WARS2: variants seen among roughly 807,000 people sequenced by gnomAD.
WARS2 encodes the protein tryptophanyl tRNA synthetase 2, mitochondrial.
A neutral mutation model predicts 36.5 loss-of-function variants in WARS2; 28 were observed. That is an observed-to-expected ratio of 0.77 (90% CI 0.57 to 1.05). The LOEUF (loss-of-function observed/expected upper bound fraction) is 1.05, where lower values mean the gene tolerates loss of function less well. Ranked by LOEUF, WARS2 falls within the 50% of genes least tolerant of loss-of-function variation. WARS2 has a pLI of 0.00. For missense variants in WARS2, 435 were observed against 456.8 expected, an observed-to-expected ratio of 0.95 and a Z score of 0.44; for synonymous variants, 174 against 178.4, an observed-to-expected ratio of 0.98 and a Z score of 0.20.
rs149606871 is a variant in WARS2 at position 119,126,792 on chromosome 1, C to T, written c.90+13763G>A. 3.4e-4 allele frequency: 254 copies of T among 738,786 alleles called. No individual in the cohort carries two copies. The African/African-American group carries it at 4.1e-3, about 12-fold the overall frequency. The allele number at this position is 738,786 out of a possible 1,614,324, so 45.8% of individuals were successfully genotyped here. On this transcript the variant is annotated intron_variant, in intron 1 of 5. Transcript: ENST00000235521. The stretch of plus-strand genomic sequence containing the variant: ...AATCAACTTATTGACCACCTCTTTC[C>T]AGTCATTTGTCTGTACCTCTCAGGT...
At chr1:119,098,925 C>T (rs1201778393) in intron 1 of WARS2, among the ~76,000 whole-genome samples, 2 of 151,692 alleles carry the variant, frequency 1.3e-5, no homozygotes, top group Non-Finnish European at 2.9e-5. Flanking sequence ...TTAGTAGAAA[C>T]GTGGTTTCAC....
intron 1 of WARS2, among the ~76,000 whole-genome samples, chr1:119,119,063 G>T (rs1489878973): frequency 6.6e-6 from 1 of 152,068 alleles, no homozygotes; most frequent in Non-Finnish European, 1.5e-5. Context: ...GAATAAAACA[G>T]TACCTCACAT....
In WARS2 at chr1:119,045,608, G is replaced by A. The variant is rs1010276895; in HGVS notation, c.403C>T (p.Arg135Ter). ...TTCCACTGATGTAAATGTTGTAATCGAGGTAGTCTGACCATGCAGGAAAGG... is the reference window on the plus strand; with the variant it reads ...TTCCACTGATGTAAATGTTGTAATCAAGGTAGTCTGACCATGCAGGAAAGG... ...WILSCMVRLP[R>*]LQHLHQWKAK... Residue 135 changes from arginine to a stop codon, truncating the protein, a stop_gained, in exon 3 of 6, where the codon CGA (arginine) becomes TGA (stop). Coordinates refer to ENST00000235521, the MANE Select transcript of WARS2 (RefSeq NM_015836.4). LOFTEE classifies it high-confidence loss of function. The A allele has an allele frequency of 4.4e-6, 7 of 1,594,768 alleles. No homozygotes were observed. Among genetic ancestry groups the A allele is most frequent in the Admixed American group, 3.4e-5 (2 of 58,962 alleles).
rs1557929945 is a variant in WARS2, at chr1:119,034,079, T to C, written c.634+16A>G. 3.1e-6 allele frequency: 5 copies of C among 1,601,034 alleles called. No homozygotes were observed. Among genetic ancestry groups the C allele is most frequent in the South Asian group, 1.1e-5 (1 of 90,794 alleles). On this transcript the variant is annotated intron_variant, in intron 5 of 5. Transcript: ENST00000235521. ...AGAATATACCCTGATGTAACAATTATAAGTTTCTTACTTACTGAGAATGGA... is the reference window on the plus strand; with the variant it reads ...AGAATATACCCTGATGTAACAATTACAAGTTTCTTACTTACTGAGAATGGA...
intron 2 of WARS2, among the ~76,000 whole-genome samples, chr1:119,055,469 G>A (rs897340724): frequency 6.6e-6 from 1 of 152,018 alleles, no homozygotes; most frequent in Admixed American, 6.6e-5. Context: ...AAAAAAGTTA[G>A]CCAGGCATGG....
chr1:119,063,286 CA>C, intron 2 of WARS2: 1 of 152,690 alleles, frequency 6.5e-6, no homozygotes, highest in Non-Finnish European at 1.5e-5. Context: ...GCAAAGCATT[CA>C]AAAGGTGACT....
At chr1:119,114,205 T>C (rs1179890601) in intron 1 of WARS2, among the ~76,000 whole-genome samples, 2 of 152,326 alleles carry the variant, frequency 1.3e-5, no homozygotes, top group East Asian at 1.9e-4. Flanking sequence ...TTTCCTCTTT[T>C]ATTTTTAAAC....
At chr1:119,044,100 G>C (rs1648595222) in intron 3 of WARS2, among the ~76,000 whole-genome samples, 1 of 152,092 alleles carries the variant, frequency 6.6e-6, no homozygotes, top group Admixed American at 6.6e-5. Context: ...TATATCTCTA[G>C]CACCTATTAT....
chr1:119,084,008 GT>G (rs1652412224), intron 1 of WARS2, among the ~76,000 whole-genome samples: 1 of 151,344 alleles, frequency 6.6e-6, no homozygotes. Context: ...TAAAAATTTA[GT>G]TTTTCCTCAT....
At chr1:119,071,188 A>T (rs918193146) in intron 2 of WARS2, among the ~76,000 whole-genome samples, 49 of 152,310 alleles carry the variant, frequency 3.2e-4, no homozygotes, top group African/African-American at 1.2e-3. Flanking sequence ...CAAAAACAAG[A>T]TAATATGTGT....
At chr1:119,131,681 T>C (rs1014271892) in intron 1 of WARS2, among the ~76,000 whole-genome samples, 1 of 152,120 alleles carries the variant, frequency 6.6e-6, no homozygotes, top group East Asian at 1.9e-4. Flanking sequence ...CAGGATGGTC[T>C]TGATCTCCTG....
At chr1:119,126,579 C>T (rs1655673644) in intron 1 of WARS2, 7 of 639,272 alleles carry the variant, frequency 1.1e-5, no homozygotes, top group Admixed American at 8.2e-5. Context: ...TCCATCAGTT[C>T]GTTCAACTTT....
At chr1:119,126,631 CT>C in intron 1 of WARS2, 1 of 699,626 alleles carries the variant, frequency 1.4e-6, no homozygotes, top group South Asian at 1.4e-5. Context: ...AAACTATTAC[CT>C]TCACCACGAA....
intron 1 of WARS2, among the ~76,000 whole-genome samples, chr1:119,116,750 G>T (rs1465977377): frequency 6.6e-6 from 1 of 152,160 alleles, no homozygotes; most frequent in Non-Finnish European, 1.5e-5. Flanking sequence ...AAGCCCCAGG[G>T]AAGCCATTCC....
At chr1:119,093,995 T>C (rs1029099857) in intron 1 of WARS2, among the ~76,000 whole-genome samples, 3 of 152,080 alleles carry the variant, frequency 2.0e-5, no homozygotes, top group Non-Finnish European at 2.9e-5. Context: ...TGTATGTAGG[T>C]AGTAGTGCTG....
intron 1 of WARS2, among the ~76,000 whole-genome samples, chr1:119,108,787 ACTAT>A (rs1421663404): frequency 2.6e-5 from 4 of 151,892 alleles, no homozygotes; most frequent in African/African-American, 9.7e-5. Context: ...TTGCTAGTTT[ACTAT>A]CTAAGGTGAA....
intron 2 of WARS2, among the ~76,000 whole-genome samples, chr1:119,051,521 G>T (rs1271738359): frequency 2.0e-5 from 3 of 152,068 alleles, no homozygotes; most frequent in Non-Finnish European, 4.4e-5. Context: ...TATCTTTACG[G>T]TAGAACGATT....
chr1:119,109,205 C>T (rs1654453505), intron 1 of WARS2, among the ~76,000 whole-genome samples: 1 of 151,902 alleles, frequency 6.6e-6, no homozygotes, highest in Non-Finnish European at 1.5e-5. Context: ...AGATACAAAT[C>T]ATCTATAGAT....
intron 1 of WARS2, among the ~76,000 whole-genome samples, chr1:119,094,414 A>G (rs1280256491): frequency 6.6e-6 from 1 of 151,900 alleles, no homozygotes. Flanking sequence ...GTTTTTTGGC[A>G]TAATTACCCC....
Sources: gnomAD v4.1 joint callset for allele counts (sites outside exome capture counted in the v4.1 genomes callset) on GRCh38, gnomAD v4.1.1 for gene constraint, MANE v1.5 for transcripts, NCBI Gene and HGNC (gene_info 2026-07-23, HGNC 2026-07-21) for gene names.